CLASP1: variants seen among roughly 807,000 people sequenced by gnomAD.
CLASP1 encodes cytoplasmic linker associated protein 1, also known as CLIP-associating protein 1.
In CLASP1, 38 loss-of-function variants were observed where a neutral mutation model predicts 192.3. The observed-to-expected ratio is 0.20, with a 90% CI of 0.15 to 0.26. The LOEUF (loss-of-function observed/expected upper bound fraction) is 0.26, where lower values mean the gene tolerates loss of function less well. Ranked by LOEUF, CLASP1 falls within the 10% of genes least tolerant of loss-of-function variation. CLASP1 has a pLI of 1.00. For missense variants in CLASP1, 1,433 were observed against 1,932.5 expected, an observed-to-expected ratio of 0.74 and a Z score of 4.85; for synonymous variants, 691 against 712.8, an observed-to-expected ratio of 0.97 and a Z score of 0.49.
chr2:121,486,640 T>C (rs1037128195), intron 8 of CLASP1, among the ~76,000 whole-genome samples: 6 of 152,218 alleles, frequency 3.9e-5, no homozygotes, highest in Admixed American at 6.5e-5. Flanking sequence ...AATCACTACA[T>C]AGGCACAAAA....
chr2:121,492,923 C>T (rs2093382566), intron 8 of CLASP1, among the ~76,000 whole-genome samples: 1 of 152,092 alleles, frequency 6.6e-6, no homozygotes, highest in Non-Finnish European at 1.5e-5. Flanking sequence ...TAGAAACAAT[C>T]CAACTGTCCA....
At chr2:121,533,815 C>T (rs1016305019) in intron 2 of CLASP1, among the ~76,000 whole-genome samples, 1 of 152,138 alleles carries the variant, frequency 6.6e-6, no homozygotes, top group Non-Finnish European at 1.5e-5. Context: ...CTCAGAATTC[C>T]CATAATAAGT....
At chr2:121,376,873 C>T (rs1030457578) in intron 34 of CLASP1, among the ~76,000 whole-genome samples, 1 of 152,194 alleles carries the variant, frequency 6.6e-6, no homozygotes, top group African/African-American at 2.4e-5. Context: ...AGTCTAATGC[C>T]TGATGATTTG....
In CLASP1 at chr2:121,530,950, A is replaced by C. The variant is rs183655165; in HGVS notation, c.196-625T>G. On this transcript the variant is annotated intron_variant, in intron 2 of 39. Transcript: ENST00000263710. ...GTGAGGGCAGTACTGCTAACGCCTGAACAACACACCCGCATCAACTAGAGC... is the reference window on the plus strand; with the variant it reads ...GTGAGGGCAGTACTGCTAACGCCTGCACAACACACCCGCATCAACTAGAGC... The C allele has an allele frequency of 7.6e-5, 53 of 700,388 alleles. No individual in the cohort carries two copies. The highest frequency in any genetic ancestry group is 2.1e-4 in the East Asian group (8 of 37,298). 43.4% of individuals were successfully genotyped at this position (700,388 alleles called of 1,614,324 possible).
chr2:121,476,636 G>T (rs1457052834), intron 8 of CLASP1, among the ~76,000 whole-genome samples: 1 of 152,308 alleles, frequency 6.6e-6, no homozygotes, highest in East Asian at 1.9e-4. Flanking sequence ...TTCTGAGGCA[G>T]GCTTTGATGG....
At chr2:121,548,556 A>C (rs577538263) in intron 2 of CLASP1, among the ~76,000 whole-genome samples, 113 of 152,344 alleles carry the variant, frequency 7.4e-4, no homozygotes, top group Non-Finnish European at 1.3e-3. Flanking sequence ...CAGGAAATAC[A>C]GAGAACTCCT....
chr2:121,472,923 T>TACA (rs1177639053), intron 8 of CLASP1, among the ~76,000 whole-genome samples: 7 of 152,178 alleles, frequency 4.6e-5, no homozygotes, highest in African/African-American at 1.7e-4. Context: ...AAAGCAGGCC[T>TACA]ACAGGGCATT....
intron 1 of CLASP1, among the ~76,000 whole-genome samples, chr2:121,636,374 T>TAAA (rs1553682671): frequency 3.5e-5 from 5 of 142,372 alleles, no homozygotes; most frequent in Non-Finnish European, 6.1e-5. Flanking sequence ...ATAATAATAA[T>TAAA]AAATTTTAGG....
At chr2:121,394,837 G>A (rs1433802977) in intron 30 of CLASP1, among the ~76,000 whole-genome samples, 6 of 152,130 alleles carry the variant, frequency 3.9e-5, no homozygotes, top group Admixed American at 6.5e-5. Flanking sequence ...CCGAGATCGC[G>A]CCACTGCACT....
chr2:121,491,462 G>A (rs2093299946), intron 8 of CLASP1, among the ~76,000 whole-genome samples: 1 of 152,176 alleles, frequency 6.6e-6, no homozygotes, highest in South Asian at 2.1e-4. Flanking sequence ...ATCATTAAGT[G>A]GTTGCAGATA....
At chr2:121,568,763 T>A (rs1559635845) in intron 2 of CLASP1, among the ~76,000 whole-genome samples, 1 of 151,954 alleles carries the variant, frequency 6.6e-6, no homozygotes, top group Non-Finnish European at 1.5e-5. Flanking sequence ...CTTTCCAGGG[T>A]CCTATAAAAT....
At chr2:121,458,763 C>T in intron 13 of CLASP1, 77 bp downstream of exon 13, 1 of 1,149,266 alleles carries the variant, frequency 8.7e-7, no homozygotes, top group South Asian at 2.4e-5. Flanking sequence ...ATTATGTTAA[C>T]AAAAATGCCT....
intron 31 of CLASP1, among the ~76,000 whole-genome samples, 154 bp from the exon 33 acceptor site, chr2:121,387,382 G>T (rs1205521788): frequency 6.6e-6 from 1 of 151,892 alleles, no homozygotes; most frequent in Non-Finnish European, 1.5e-5. Flanking sequence ...CCAATTTTAA[G>T]TGTATATAAA....
At chr2:121,467,514 G>A (rs2089871919) in intron 9 of CLASP1, among the ~76,000 whole-genome samples, 1 of 152,166 alleles carries the variant, frequency 6.6e-6, no homozygotes, top group African/African-American at 2.4e-5. Flanking sequence ...TGACTGGTGT[G>A]AGATGGTATC....
At chr2:121,585,912 A>G (rs1576248400) in intron 2 of CLASP1, among the ~76,000 whole-genome samples, 2 of 151,972 alleles carry the variant, frequency 1.3e-5, no homozygotes, top group African/African-American at 4.8e-5. Context: ...AAAAAAAAAA[A>G]AAAAGTCTTT....
intron 14 of CLASP1, among the ~76,000 whole-genome samples, chr2:121,452,896 C>T (rs762396241): frequency 2.0e-5 from 3 of 152,312 alleles, no homozygotes; most frequent in African/African-American, 4.8e-5. Flanking sequence ...CATTCAAGAA[C>T]GCACAAATCA....
intron 8 of CLASP1, among the ~76,000 whole-genome samples, chr2:121,478,692 C>A (rs2092018977): frequency 1.2e-5 from 1 of 85,448 alleles, no homozygotes. Context: ...ACACCCCACA[C>A]ACACAACCAC....
chr2:121,545,066 C>A (rs1010572403), intron 2 of CLASP1, among the ~76,000 whole-genome samples: 1 of 152,100 alleles, frequency 6.6e-6, no homozygotes, highest in African/African-American at 2.4e-5. Flanking sequence ...CGTGTGCCAC[C>A]ACATCCAGCT....
intron 30 of CLASP1, among the ~76,000 whole-genome samples, chr2:121,389,393 T>C (rs1287658341): frequency 6.6e-6 from 1 of 152,128 alleles, no homozygotes; most frequent in African/African-American, 2.4e-5. Context: ...ATGTACTGTT[T>C]ATTTGATATG....
Sources: gnomAD v4.1 joint callset for allele counts (sites outside exome capture counted in the v4.1 genomes callset) on GRCh38, gnomAD v4.1.1 for gene constraint, MANE v1.5 for transcripts, NCBI Gene and HGNC (gene_info 2026-07-23, HGNC 2026-07-21) for gene names.